ANKRD10: variants seen among roughly 807,000 people sequenced by gnomAD.
The protein encoded by ANKRD10 is ankyrin repeat domain-containing protein 10.
A neutral mutation model predicts 27.0 loss-of-function variants in ANKRD10; 14 were observed. The ratio of observed to expected loss-of-function variants is 0.52; its 90% CI spans 0.34 to 0.81. The LOEUF (loss-of-function observed/expected upper bound fraction) is 0.81. Ranked by LOEUF, ANKRD10 falls within the 40% of genes least tolerant of loss-of-function variation. The pLI is 0.01. For synonymous variants in ANKRD10, 250 were observed against 224.5 expected (o/e 1.11, Z -1.01); for missense variants, 493 against 544.0 (o/e 0.91, Z 0.93).
chr13:110,910,194 T>C (rs921093458), intron 2 of ANKRD10, among the ~76,000 whole-genome samples: 1 of 152,258 alleles, frequency 6.6e-6, no homozygotes, highest in African/African-American at 2.4e-5. Context: ...TTAGCACTTA[T>C]CTGCATCAAG....
intron 4 of ANKRD10, among the ~76,000 whole-genome samples, chr13:110,884,220 A>G (rs58803149): frequency 1.3e-5 from 2 of 151,354 alleles, no homozygotes; most frequent in Non-Finnish European, 2.9e-5. Context: ...CATTAACAAA[A>G]AAAATAATGT....
chr13:110,894,114 G>C, intron 3 of ANKRD10: 1 of 1,604,318 alleles, frequency 6.2e-7, no homozygotes, highest in South Asian at 1.1e-5. Flanking sequence ...TAAACCTTTA[G>C]ACACTGAATT....
intron 1 of ANKRD10, among the ~76,000 whole-genome samples, chr13:110,914,155 C>T (rs1339094055): frequency 2.0e-5 from 3 of 152,214 alleles, no homozygotes; most frequent in African/African-American, 7.2e-5. Flanking sequence ...CCTTCCAGTC[C>T]CGCCGGGGCG....
chr13:110,903,890 G>A (rs1193109157), intron 3 of ANKRD10: 1 of 151,970 alleles, frequency 6.6e-6, no homozygotes, highest in Non-Finnish European at 1.5e-5. Context: ...AAAAAGAAAC[G>A]GTTATGATTT....
chr13:110,906,797 T>C (rs1324141125), intron 2 of ANKRD10, among the ~76,000 whole-genome samples: 2 of 152,084 alleles, frequency 1.3e-5, no homozygotes, highest in Non-Finnish European at 1.5e-5. Flanking sequence ...AAGAATGAAA[T>C]TCCTGGTTCA....
Position 110,879,412 on chromosome 13 carries a change from C to A in ANKRD10, c.*225G>T, listed in dbSNP as rs922335329. ...CATCAGAAAAACTCCAAAAGTGCAC[C>A]TTATAAAAAGGACACCTCACTGTAG... On this transcript the variant is annotated 3_prime_UTR_variant, in exon 6 of 6. Transcript: ENST00000267339. The A allele has an allele frequency of 3.9e-6, 2 of 516,910 alleles. No homozygotes were observed. The highest frequency in any genetic ancestry group is 3.5e-6 in the Non-Finnish European group (1 of 289,610). The allele number at this position is 516,910 out of a possible 1,614,324, so 32.0% of individuals were successfully genotyped here.
rs1361615723 is a variant in ANKRD10, at chr13:110,883,768, T to C, written c.717A>G (p.Pro239=). Residue 239 remains proline (P), a synonymous_variant, in exon 5 of 6, where the codon CCA becomes CCG. Coordinates refer to ENST00000267339, the MANE Select transcript of ANKRD10 (RefSeq NM_017664.4). The stretch of plus-strand genomic sequence containing the variant: ...CGTCTTCTGTGTCGCCATTCGTGAG[T>C]GGCACGGCAGAATCCAAGCTTTGAG... ...TEAQSLDSAV[P]LTNGDTEDDA... The C allele has an allele frequency of 1.9e-6, 3 of 1,614,068 alleles. No individual in the cohort carries two copies. Among genetic ancestry groups the C allele is most frequent in the Non-Finnish European group, 2.5e-6 (3 of 1,180,032 alleles).
At chr13:110,883,905 T>TAA in intron 4 of ANKRD10, 112 bp from the exon 5 acceptor site, 4 of 1,000,632 alleles carry the variant, frequency 4.0e-6, no homozygotes, top group East Asian at 3.6e-5. Context: ...AACAATCACA[T>TAA]AAAAAAAAAT....
At chr13:110,902,874 G>C (rs187538436) in intron 3 of ANKRD10, among the ~76,000 whole-genome samples, 1 of 83,386 alleles carries the variant, frequency 1.2e-5, no homozygotes, top group Non-Finnish European at 3.9e-5. Context: ...GGTTGATATG[G>C]AAACATCCTC....
At chr13:110,900,260 G>T (rs2065347302) in intron 3 of ANKRD10, among the ~76,000 whole-genome samples, 1 of 152,136 alleles carries the variant, frequency 6.6e-6, no homozygotes, top group African/African-American at 2.4e-5. Flanking sequence ...AAAAACCACG[G>T]ATCAGGAAAT....
At chr13:110,889,647 CACT>C (rs2065024236) in intron 4 of ANKRD10, among the ~76,000 whole-genome samples, 1 of 152,196 alleles carries the variant, frequency 6.6e-6, no homozygotes, top group East Asian at 1.9e-4. Flanking sequence ...TAAAAGCAGA[CACT>C]ACTTTTTGTG....
intron 4 of ANKRD10, among the ~76,000 whole-genome samples, chr13:110,885,046 G>A (rs771273861): frequency 6.6e-6 from 1 of 152,040 alleles, no homozygotes; most frequent in Non-Finnish European, 1.5e-5. Context: ...GGGGGGATGG[G>A]GGGTAGTCAG....
intron 4 of ANKRD10, 153 bp downstream of exon 4, chr13:110,892,875 C>T: frequency 7.0e-7 from 1 of 1,436,776 alleles, no homozygotes; most frequent in South Asian, 1.5e-5. Context: ...AGTGGCAGTA[C>T]AGGAGAAATC....
chr13:110,914,951 G>A lies in ANKRD10; in HGVS notation c.-17C>T, dbSNP rs1242532494. On this transcript the variant is annotated 5_prime_UTR_variant, in exon 1 of 6. Transcript: ENST00000267339. ...CGCCGACATGGTCCGTCACCGGAGA[G>A]CGCGGGGCTCGCTGGCCTAGAGGAC... is the stretch of plus-strand genomic sequence containing the variant. 6.5e-7 allele frequency: 1 copy of A among 1,527,374 alleles called. No homozygotes were observed. Among genetic ancestry groups the A allele is most frequent in the Non-Finnish European group, 8.8e-7 (1 of 1,142,626 alleles). The allele number at this position is 1,527,374 out of a possible 1,614,324, so 94.6% of individuals were successfully genotyped here.
chr13:110,892,427 A>AAAAAC (rs2065101610), intron 4 of ANKRD10, among the ~76,000 whole-genome samples: 1 of 145,758 alleles, frequency 6.9e-6, no homozygotes, highest in Non-Finnish European at 1.5e-5. Context: ...AAAAAAAAAA[A>AAAAAC]AAAAAAAAAT....
intron 3 of ANKRD10, among the ~76,000 whole-genome samples, chr13:110,897,552 A>T (rs2065262355): frequency 2.0e-5 from 3 of 152,072 alleles, no homozygotes; most frequent in African/African-American, 7.2e-5. Context: ...TTGTTTTTTT[A>T]ATGGCCAAAT....
At chr13:110,911,280 T>C (rs1428423958) in intron 1 of ANKRD10, among the ~76,000 whole-genome samples, 2 of 150,594 alleles carry the variant, frequency 1.3e-5, no homozygotes, top group African/African-American at 4.9e-5. Flanking sequence ...TGAAACCCCA[T>C]CTCTACTAAA....
chr13:110,912,820 G>A (rs1594649957), intron 1 of ANKRD10, among the ~76,000 whole-genome samples: 1 of 152,160 alleles, frequency 6.6e-6, no homozygotes, highest in African/African-American at 2.4e-5. Context: ...CTGAGTCCTG[G>A]CCTGATTTCT....
chr13:110,889,475 A>G (rs533352719), intron 4 of ANKRD10, among the ~76,000 whole-genome samples: 2 of 152,136 alleles, frequency 1.3e-5, no homozygotes, highest in East Asian at 3.9e-4. Flanking sequence ...AGATGCAAAT[A>G]ATTTTATGAA....
Sources: allele counts gnomAD v4.1 joint callset (sites outside exome capture counted in the v4.1 genomes callset), GRCh38; gene constraint gnomAD v4.1.1; transcripts MANE v1.5; gene names NCBI Gene and HGNC (gene_info 2026-07-23, HGNC 2026-07-21).